The following DHCR7 variants were observed in gnomAD, a reference collection of about 807,000 sequenced individuals.
DHCR7 encodes the protein 7-DHC reductase.
A neutral mutation model predicts 43.3 loss-of-function variants in DHCR7; 40 were observed. That is an observed-to-expected ratio of 0.92 (90% CI 0.72 to 1.20). DHCR7 has a LOEUF of 1.20. DHCR7 is among the 50% of genes most tolerant of loss of function. DHCR7 has a pLI of 0.00. For missense variants in DHCR7, 608 were observed against 644.6 expected (o/e 0.94, Z 0.62); for synonymous variants, 298 against 271.4 (o/e 1.10, Z -0.96).
In DHCR7 at chr11:71,437,819, G is replaced by A. The variant is rs766583874; in HGVS notation, c.956C>T (p.Thr319Met). The A allele has an allele frequency of 1.2e-5, 20 of 1,613,730 alleles. No homozygotes were observed. The highest frequency in any genetic ancestry group is 4.4e-5 in the South Asian group (4 of 91,092). The change falls in exon 8 of 9, where the codon ACG becomes ATG. Residue 319 changes from threonine to methionine, a missense_variant. By Grantham distance (81) the Thr-to-Met change is moderately conservative. Transcript: ENST00000355527. ...GDCVWLPYLY[T>M]LQGLYLVYHP... Reference sequence around the variant, plus strand: ...CTCTGCCCACCTCCTCACCTGCAGCGTGTAAAGATAAGGCAGCCAGACACA... The same window carrying A: ...CTCTGCCCACCTCCTCACCTGCAGCATGTAAAGATAAGGCAGCCAGACACA...
At chr11:71,439,920 G>A (rs575173353) in intron 6 of DHCR7, among the ~76,000 whole-genome samples, 2 of 152,332 alleles carry the variant, frequency 1.3e-5, no homozygotes, top group South Asian at 2.1e-4. Flanking sequence ...AAGAGCCTAG[G>A]TGTAAACCAC....
In DHCR7 at chr11:71,437,887, G is replaced by A. The variant is rs1208755285; in HGVS notation, c.888C>T (p.Asp296=). 9.9e-6 allele frequency: 16 copies of A among 1,614,034 alleles called. No homozygotes were observed. The highest frequency in any genetic ancestry group is 1.4e-5 in the Non-Finnish European group (16 of 1,180,030). ...WNETWYLKTI[D]ICHDHFGWYL... is the part of the protein sequence containing the mutation. ...ACCACCCGAAGTGGTCATGGCAGAT[G>A]TCAATGGTCTTCAGGTACCAGGTTT... The change falls in exon 8 of 9, where the codon GAC becomes GAT. Residue 296 remains aspartate, a synonymous_variant. Transcript: ENST00000355527.
intron 6 of DHCR7, among the ~76,000 whole-genome samples, chr11:71,439,593 A>C (rs1949327567): frequency 6.6e-6 from 1 of 152,228 alleles, no homozygotes; most frequent in South Asian, 2.1e-4. Context: ...CCCGGCTTCC[A>C]GCATGTGCAG....
downstream of DHCR7, among the ~76,000 whole-genome samples, chr11:71,432,435 C>A (rs907825246): frequency 6.6e-6 from 1 of 152,220 alleles, no homozygotes; most frequent in Non-Finnish European, 1.5e-5. Flanking sequence ...TTTCAATTGA[C>A]AATAATTGTT....
At chr11:71,441,110 TC>T in intron 6 of DHCR7, 116 bp downstream of exon 6, 1 of 951,614 alleles carries the variant, frequency 1.1e-6, no homozygotes, top group Non-Finnish European at 1.7e-6. Context: ...CCCCTCCTCC[TC>T]TTCCACGGAT....
At chr11:71,428,743 C>G (rs1949213292) in exon 3 of DHCR7, 3 of 442,554 alleles carry the variant, frequency 6.8e-6, no homozygotes, top group African/African-American at 2.0e-5. Context: ...GGGAAACAGC[C>G]CAGATGGTTC....
intron 5 of DHCR7, among the ~76,000 whole-genome samples, chr11:71,441,701 G>A (rs962503910): frequency 6.6e-6 from 1 of 152,194 alleles, no homozygotes; most frequent in Non-Finnish European, 1.5e-5. Flanking sequence ...TGAGTGACAG[G>A]TGTGCAGTCT....
intron 4 of DHCR7, among the ~76,000 whole-genome samples, chr11:71,442,649 T>TTA (rs1489233650): frequency 3.4e-4 from 51 of 151,812 alleles, no homozygotes; most frequent in Middle Eastern, 3.4e-3. Flanking sequence ...ATTCAACTTT[T>TTA]TATATATATA....
Position 71,435,859 on chromosome 11 carries a change from G to T in DHCR7, c.964-20C>A. 6.3e-7 allele frequency: 1 copy of T among 1,586,522 alleles called. No individual in the cohort carries two copies. The highest frequency in any genetic ancestry group is 8.6e-7 in the Non-Finnish European group (1 of 1,167,634). On this transcript the variant is annotated intron_variant, in intron 8 of 8. Transcript: ENST00000355527. ...CAGACCCTGGGGGGCGAGGGGGAAGGGGTCAAGCGGTGCTTTGCCCAGGGA... is the reference window on the plus strand; with the variant it reads ...CAGACCCTGGGGGGCGAGGGGGAAGTGGTCAAGCGGTGCTTTGCCCAGGGA...
chr11:71,438,477 G>A lies in DHCR7; in HGVS notation c.831+402C>T, dbSNP rs541875087. On this transcript the variant is annotated intron_variant, in intron 7 of 8. Coordinates refer to ENST00000355527, the MANE Select transcript of DHCR7 (RefSeq NM_001360.3). ...CTCACCTGGCTCTGAGCTCCTGAAC[G>A]CTCTCTGGTCAGGATGCGGGATGTT... 2.6e-5 allele frequency among the ~76,000 whole-genome samples: 4 copies of A among 152,230 alleles called. No individual in the cohort carries two copies. The South Asian group carries it at 8.3e-4, about 32-fold the overall frequency.
At chr11:71,443,214 G>A (rs950568732) in intron 4 of DHCR7, among the ~76,000 whole-genome samples, 3 of 152,210 alleles carry the variant, frequency 2.0e-5, no homozygotes, top group Admixed American at 6.5e-5. Flanking sequence ...ACAGGTGGGG[G>A]TTCCTGCTTT....
downstream of DHCR7, among the ~76,000 whole-genome samples, chr11:71,432,312 T>C (rs1297202708): frequency 1.3e-5 from 2 of 152,248 alleles, no homozygotes; most frequent in Non-Finnish European, 2.9e-5. Context: ...AGTTTGCCAA[T>C]GTGATCAAGT....
Position 71,441,453 on chromosome 11 carries a change from G to T in DHCR7, c.413-13C>A, listed in dbSNP as rs763788059. 3 of 1,603,900 alleles carry T rather than the reference G, an allele frequency of 1.9e-6. No individual in the cohort carries two copies. In the South Asian group the frequency reaches 3.3e-5, roughly 18 times the overall value. On this transcript the variant is annotated splice_polypyrimidine_tract_variant and intron_variant, in intron 5 of 8. Transcript: ENST00000355527. ...TTGTTCACAACCCCTGCAGATGAAGGATTCAGAAATGAAGGCGCTTTCCCA... is the reference window on the plus strand; with the variant it reads ...TTGTTCACAACCCCTGCAGATGAAGTATTCAGAAATGAAGGCGCTTTCCCA...
Position 71,441,515 on chromosome 11 carries a change from C to A in DHCR7, c.413-75G>T, listed in dbSNP as rs556365885. 27 of 1,286,684 alleles carry A rather than the reference C, an allele frequency of 2.1e-5. No homozygotes were observed. The African/African-American group carries it at 3.2e-4, about 15-fold the overall frequency. 79.7% of individuals were successfully genotyped at this position (1,286,684 alleles called of 1,614,324 possible). A position where few individuals can be genotyped will look rare whatever the true frequency, so the allele number is the denominator to read the frequency against. On this transcript the variant is annotated intron_variant, in intron 5 of 8. Coordinates refer to ENST00000355527, the MANE Select transcript of DHCR7 (RefSeq NM_001360.3). The stretch of plus-strand genomic sequence containing the variant: ...GGAGCTTGGCTGGGCTGAAGCATGC[C>A]TGGCGGGGGCCCTGGTCACTTTCTG...
At chr11:71,446,695 C>T (rs921379187) in intron 2 of DHCR7, among the ~76,000 whole-genome samples, 58 of 152,180 alleles carry the variant, frequency 3.8e-4, no homozygotes, top group Non-Finnish European at 7.3e-5. Context: ...AAGACATTTT[C>T]CTTATGCAGT....
downstream of DHCR7, chr11:71,428,073 G>A (rs1361389638): frequency 6.6e-6 from 1 of 152,166 alleles, no homozygotes; most frequent in Non-Finnish European, 1.5e-5. Context: ...TCCAAACATA[G>A]TAGTTAGGGC....
rs1466730753 is a variant in DHCR7, at chr11:71,435,274, G to T, written c.*101C>A. ...GGGCTCTCTCCAGTTTACAGATGAGGAAACTGAGGCTCCTCGAGTTGGAGC... is the reference window on the plus strand; with the variant it reads ...GGGCTCTCTCCAGTTTACAGATGAGTAAACTGAGGCTCCTCGAGTTGGAGC... On this transcript the variant is annotated 3_prime_UTR_variant, in exon 9 of 9. Transcript: ENST00000355527. The T allele has an allele frequency of 2.4e-6, 3 of 1,260,852 alleles. No individual in the cohort carries two copies. Among genetic ancestry groups the T allele is most frequent in the East Asian group, 4.6e-5 (2 of 43,252 alleles). 78.1% of individuals were successfully genotyped at this position (1,260,852 alleles called of 1,614,324 possible).
At chr11:71,442,982 G>C (rs1949364761) in intron 4 of DHCR7, among the ~76,000 whole-genome samples, 1 of 152,172 alleles carries the variant, frequency 6.6e-6, no homozygotes, top group South Asian at 2.1e-4. Flanking sequence ...GCCGCCCCTG[G>C]CTGCCACTGA....
Position 71,434,928 on chromosome 11 carries a change from G to A in DHCR7, c.*447C>T, listed in dbSNP as rs1949254731. On this transcript the variant is annotated 3_prime_UTR_variant, in exon 9 of 9. Transcript: ENST00000355527. ...AGCAGGCAGGGGAGGGGGATCTAGA[G>A]CTGAAAGGCAATACATGGATAACGC... 2 of 365,630 alleles carry A rather than the reference G, an allele frequency of 5.5e-6. No homozygotes were observed. Among genetic ancestry groups the A allele is most frequent in the Non-Finnish European group, 1.1e-5 (2 of 185,144 alleles). 22.6% of individuals were successfully genotyped at this position (365,630 alleles called of 1,614,324 possible). A position where few individuals can be genotyped will look rare whatever the true frequency, so the allele number is the denominator to read the frequency against.
Sources: gnomAD v4.1 joint callset for allele counts (sites outside exome capture counted in the v4.1 genomes callset) on GRCh38, gnomAD v4.1.1 for gene constraint, MANE v1.5 for transcripts, NCBI Gene and HGNC (gene_info 2026-07-23, HGNC 2026-07-21) for gene names.